Variants in TINAGL1 observed in about 807,000 individuals in gnomAD.
TINAGL1 encodes the protein tubulointerstitial nephritis antigen like 1.
TINAGL1 carries 34 observed loss-of-function variants against 62.0 expected under a neutral mutation model. The observed-to-expected ratio is 0.55, with a 90% confidence interval of 0.42 to 0.73. The LOEUF (loss-of-function observed/expected upper bound fraction) is 0.73, where lower values mean the gene tolerates loss of function less well. Among genes scored for constraint, TINAGL1 ranks in the 30% least tolerant of loss-of-function variants. The probability of loss-of-function intolerance (pLI) is 0.00; values close to 1 mark genes in which losing one functional copy is unlikely to be tolerated. For missense variants in TINAGL1, 516 were observed against 653.2 expected, an observed-to-expected ratio of 0.79 and a Z score of 2.29; for synonymous variants, 221 against 249.7, an observed-to-expected ratio of 0.88 and a Z score of 1.08.
chr1:31,582,380 G>A (rs72885418), intron 3 of TINAGL1, among the ~76,000 whole-genome samples: 1 of 151,984 alleles, frequency 6.6e-6, no homozygotes, highest in Admixed American at 6.6e-5. Flanking sequence ...GAACCATCAG[G>A]GGCCAGCCTA....
rs1434427099 is a variant in TINAGL1 at position 31,586,754 on chromosome 1, G to A, written c.1262G>A (p.Trp421Ter). The change falls in exon 11 of 12, where the codon TGG (tryptophan) becomes TAG (stop). Residue 421 changes from tryptophan (W) to a stop codon, truncating the protein, a stop_gained and splice_region_variant. Transcript: ENST00000271064. LOFTEE classifies it high-confidence loss of function. ...TLPDGRTLKY[W>*]TAANSWGPAW... is the part of the protein sequence containing the mutation. ...CCAGATGGAAGGACGCTCAAATACT[G>A]GGTGAGGCCGCTGACCCTTTCCCCG... is the stretch of plus-strand genomic sequence containing the variant. The A allele has an allele frequency of 1.9e-6, 3 of 1,553,326 alleles. No individual in the cohort carries two copies. In the African/African-American group the frequency reaches 4.1e-5, roughly 21 times the overall value.
chr1:31,579,630 G>A (rs1256397191), intron 3 of TINAGL1: 7 of 198,804 alleles, frequency 3.5e-5, no homozygotes, highest in East Asian at 1.5e-4. Flanking sequence ...TGCAGCATCC[G>A]CTGCCCTGAG....
intron 2 of TINAGL1, 68 bp from the exon 3 acceptor site, chr1:31,579,136 A>G: frequency 7.6e-7 from 1 of 1,311,546 alleles, no homozygotes; most frequent in Non-Finnish European, 1.1e-6. Flanking sequence ...CCTGACCTCC[A>G]AGGACCTGGC....
chr1:31,586,438 C>G, intron 10 of TINAGL1: 1 of 574,980 alleles, frequency 1.7e-6, no homozygotes. Context: ...GGAGGTGGGT[C>G]TCTGGAGGAC....
chr1:31,580,347 C>T (rs1570204730), intron 3 of TINAGL1: 2 of 1,285,732 alleles, frequency 1.6e-6, no homozygotes, highest in East Asian at 5.6e-5. Flanking sequence ...GTGTGGGCAG[C>T]CCTGGGGGCA....
rs192475703 is a variant in TINAGL1, at chr1:31,584,836, G to A, written c.706+35G>A. 1.3e-5 allele frequency: 21 copies of A among 1,614,182 alleles called. No individual in the cohort carries two copies. The African/African-American group carries it at 2.3e-4, about 17-fold the overall frequency. On this transcript the variant is annotated intron_variant, in intron 6 of 11. Coordinates refer to ENST00000271064, the MANE Select transcript of TINAGL1 (RefSeq NM_022164.3). The surrounding 1 kb of genome is among the most constrained non-coding windows in gnomAD (Gnocchi z 4.0). The stretch of plus-strand genomic sequence containing the variant: ...GGGCAAGGGCTGGCGCCTGGGAGAG[G>A]AGGGCCAAGTCCTGAGCCTCCCGAC...
rs955966892 is a variant in TINAGL1, at chr1:31,577,723, G to A, written c.310+265G>A. ...TTTCCAGACACGGAAGGTGCTGGCC[G>A]CACCTGCTGACTCACTCTTGGGCTG... On this transcript the variant is annotated intron_variant, in intron 2 of 11. Transcript: ENST00000271064. The surrounding 1 kb of genome is among the most constrained non-coding windows in gnomAD (Gnocchi z 5.4). 3.2e-5 allele frequency: 16 copies of A among 494,390 alleles called. No homozygotes were observed. The highest frequency in any genetic ancestry group is 5.3e-4 in the Middle Eastern group (1 of 1,896). The allele number at this position is 494,390 out of a possible 1,614,324, so 30.6% of individuals were successfully genotyped here.
chr1:31,585,502 A>T lies in TINAGL1; in HGVS notation c.1093+17A>T. ...CTGTCCAAGGTAAACCCCCTTATCC[A>T]GCACCCTGGTTCCAGAAGCTTGTGC... is the stretch of plus-strand genomic sequence containing the variant. On this transcript the variant is annotated intron_variant, in intron 9 of 11. Coordinates refer to ENST00000271064, the MANE Select transcript of TINAGL1 (RefSeq NM_022164.3). This position sits in a 1 kb window ranked among gnomAD's most constrained non-coding sequence, Gnocchi z 4.3. 1 of 1,613,912 alleles carries T rather than the reference A, an allele frequency of 6.2e-7. No homozygotes were observed. Among genetic ancestry groups the T allele is most frequent in the Non-Finnish European group, 8.5e-7 (1 of 1,179,894 alleles).
rs148621288 is a variant in TINAGL1, at chr1:31,580,254, T to C, written c.374+987T>C. ...CTCTCTCTGTCTCTCTCTCTCTGTC[T>C]CTCTCTCTCTCACTGCTGTCCCTGG... is the stretch of plus-strand genomic sequence containing the variant. On this transcript the variant is annotated intron_variant, in intron 3 of 11. Coordinates refer to ENST00000271064, the MANE Select transcript of TINAGL1 (RefSeq NM_022164.3). 6,531 of 1,176,778 alleles carry C rather than the reference T, an allele frequency of 5.5e-3. 254 individuals carry two copies. The African/African-American group carries it at 0.092, about 17-fold the overall frequency. The allele number at this position is 1,176,778 out of a possible 1,614,324, so 72.9% of individuals were successfully genotyped here. A position where few individuals can be genotyped will look rare whatever the true frequency, so the allele number is the denominator to read the frequency against.
chr1:31,587,234 TC>T lies in TINAGL1; in HGVS notation c.*258del. 1 of 395,038 alleles carries T rather than the reference TC, an allele frequency of 2.5e-6. No individual in the cohort carries two copies. The highest frequency in any genetic ancestry group is 4.2e-6 in the Non-Finnish European group (1 of 238,270). The allele number at this position is 395,038 out of a possible 1,614,324, so 24.5% of individuals were successfully genotyped here. A position where few individuals can be genotyped will look rare whatever the true frequency, so the allele number is the denominator to read the frequency against. Reference sequence around the variant, plus strand: ...GGCCTGGGAAGAGCACAGCTGCAGATCCCAGGCCTCTGGCGCCCCCACTCAA... The same window carrying T: ...GGCCTGGGAAGAGCACAGCTGCAGATCCAGGCCTCTGGCGCCCCCACTCAA... On this transcript the variant is annotated 3_prime_UTR_variant, in exon 12 of 12. Transcript: ENST00000271064.
intron 2 of TINAGL1, chr1:31,578,057 C>A: frequency 1.5e-6 from 1 of 681,010 alleles, no homozygotes; most frequent in Non-Finnish European, 1.8e-6. Flanking sequence ...TCCCCATGCT[C>A]CTCCCACTCC....
intron 3 of TINAGL1, among the ~76,000 whole-genome samples, chr1:31,579,562 T>C (rs1639148504): frequency 6.6e-6 from 1 of 151,862 alleles, no homozygotes. Flanking sequence ...TCCCAGCTAT[T>C]CCTGCTGTCA....
chr1:31,583,639 C>T lies in TINAGL1; in HGVS notation c.582+64C>T, dbSNP rs1639306388. On this transcript the variant is annotated intron_variant, in intron 5 of 11. Coordinates refer to ENST00000271064, the MANE Select transcript of TINAGL1 (RefSeq NM_022164.3). This position sits in a 1 kb window ranked among gnomAD's most constrained non-coding sequence, Gnocchi z 4.4. ...TGGCTCAGAACCTCAGGGATGCTGG[C>T]CCTGTGCCCTGCTCCTCCAAGGGCC... is the stretch of plus-strand genomic sequence containing the variant. The T allele has an allele frequency of 2.8e-6, 4 of 1,413,498 alleles. No individual in the cohort carries two copies. Among genetic ancestry groups the T allele is most frequent in the African/African-American group, 2.8e-5 (2 of 70,788 alleles). The allele number at this position is 1,413,498 out of a possible 1,614,324, so 87.6% of individuals were successfully genotyped here. A position where few individuals can be genotyped will look rare whatever the true frequency, so the allele number is the denominator to read the frequency against.
chr1:31,580,688 T>G, intron 3 of TINAGL1: 1 of 1,283,144 alleles, frequency 7.8e-7, no homozygotes, highest in Non-Finnish European at 1.0e-6. Flanking sequence ...GTGGGAGCCT[T>G]GGACAGCTTG....
In TINAGL1 at chr1:31,580,416, T is replaced by TG. The variant is rs768649583; in HGVS notation, c.374+1154dup. 9 of 1,289,296 alleles carry TG rather than the reference T, an allele frequency of 7.0e-6. No homozygotes were observed. In the South Asian group the frequency reaches 1.1e-4, roughly 16 times the overall value. 79.9% of individuals were successfully genotyped at this position (1,289,296 alleles called of 1,614,324 possible). A position where few individuals can be genotyped will look rare whatever the true frequency, so the allele number is the denominator to read the frequency against. On this transcript the variant is annotated intron_variant, in intron 3 of 11. Coordinates refer to ENST00000271064, the MANE Select transcript of TINAGL1 (RefSeq NM_022164.3). ...TACTGCCCTCTCCTCATGAAGGCTC[T>TG]GGGGGCGAGGGTGGGGGAGTGTCCA...
In TINAGL1 at chr1:31,580,199, C is replaced by CTCTCTGTCTCTCTCTGTCTCTCTCTG. The variant is rs1553149081; in HGVS notation, c.374+937_374+938insGTCTCTCTCTGTCTCTCTCTGTCTCT. 3 of 389,506 alleles carry CTCTCTGTCTCTCTCTGTCTCTCTCTG rather than the reference C, an allele frequency of 7.7e-6. No homozygotes were observed. In the Admixed American group the frequency reaches 3.2e-4, roughly 42 times the overall value. 24.1% of individuals were successfully genotyped at this position (389,506 alleles called of 1,614,324 possible). On this transcript the variant is annotated intron_variant, in intron 3 of 11. Transcript: ENST00000271064. ...TCTCTCTCTCTCTCTCTCTCTCTCT[C>CTCTCTGTCTCTCTCTGTCTCTCTCTG]TCTCTCTCTCTCTGTCTCTCTCTCT...
rs776731343 is a variant in TINAGL1 at position 31,583,262 on chromosome 1, C to CCTCAGTGGGCA, written c.467+23_467+33dup. ...TATGGGTGAGAGGCCCTAGAGGCAC[C>CCTCAGTGGGCA]CTCAGTGGGCACACATGCATACTCA... On this transcript the variant is annotated intron_variant, in intron 4 of 11. Coordinates refer to ENST00000271064, the MANE Select transcript of TINAGL1 (RefSeq NM_022164.3). The surrounding 1 kb of genome is among the most constrained non-coding windows in gnomAD (Gnocchi z 4.4). The CCTCAGTGGGCA allele has an allele frequency of 5.5e-5, 88 of 1,609,520 alleles. No individual in the cohort carries two copies. Among genetic ancestry groups the CCTCAGTGGGCA allele is most frequent in the Admixed American group, 1.7e-5 (1 of 60,006 alleles).
Position 31,577,388 on chromosome 1 carries a change from G to A in TINAGL1, c.240G>A (p.Thr80=), listed in dbSNP as rs368025143. The A allele has an allele frequency of 5.6e-5, 90 of 1,613,862 alleles. No individual in the cohort carries two copies. Among genetic ancestry groups the A allele is most frequent in the Middle Eastern group, 4.9e-4 (3 of 6,084 alleles). Residue 80 remains threonine, a synonymous_variant, in exon 2 of 12, where the codon ACG becomes ACA. Transcript: ENST00000271064. The surrounding 1 kb of genome is among the most constrained non-coding windows in gnomAD (Gnocchi z 5.4). ...ACTGTGACCTCTTCTGCAACCGCAC[G>A]GTCTCCGACTGCTGCCCTGACTTCT... ...ICYCDLFCNR[T]VSDCCPDFWD...
chr1:31,580,162 G>GCC (rs1639179923), intron 3 of TINAGL1: 2 of 461,204 alleles, frequency 4.3e-6, no homozygotes, highest in South Asian at 3.4e-5. Context: ...GGGTTAATGC[G>GCC]CTCTCTCTCT....
Sources: gnomAD v4.1 joint callset for allele counts (sites outside exome capture counted in the v4.1 genomes callset) on GRCh38, gnomAD v4.1.1 for gene constraint, Gnocchi (gnomAD v3.1) non-coding constraint, MANE v1.5 for transcripts, NCBI Gene and HGNC (gene_info 2026-07-23, HGNC 2026-07-21) for gene names.